ADGRF5: variants seen among roughly 807,000 people sequenced by gnomAD.
ADGRF5 encodes G-protein coupled receptor 116.
In ADGRF5, 75 loss-of-function variants were observed where a neutral mutation model predicts 132.3. The observed-to-expected ratio is 0.57, with a 90% CI of 0.47 to 0.69. The LOEUF (loss-of-function observed/expected upper bound fraction) is 0.69. ADGRF5 is among the 30% of genes least tolerant of loss of function. The pLI is 0.00. For missense variants in ADGRF5, 1,516 were observed against 1,630.6 expected (o/e 0.93, Z 1.21); for synonymous variants, 629 against 597.6 (o/e 1.05, Z -0.77).
rs762755789 is a variant in ADGRF5 at position 46,879,960 on chromosome 6, C to A, written c.894G>T (p.Leu298Phe). The part of the protein sequence containing the change: ...TVSLVCEKEV[L>F]SSNVSWRYEE... ...CATAGCGCCAAGACACATTGGAGGA[C>A]AAAACTTCCTTTTCACACACCAGAC... Residue 298 changes from leucine to phenylalanine, a missense_variant, in exon 9 of 21, where the codon TTG becomes TTT. Leu to Phe is a conservative substitution (Grantham distance 22). Around this residue, in one of 2 missense-constraint regions of ADGRF5, gnomAD observed 945 missense variants for 929.4 expected, o/e 1.02. Coordinates refer to ENST00000283296, the MANE Select transcript of ADGRF5 (RefSeq NM_001098518.2). 1 of 1,613,970 alleles carries A rather than the reference C, an allele frequency of 6.2e-7. No individual in the cohort carries two copies.
At chr6:46,857,842 A>G (rs920359880) in intron 17 of ADGRF5, among the ~76,000 whole-genome samples, 1 of 152,222 alleles carries the variant, frequency 6.6e-6, no homozygotes, top group Non-Finnish European at 1.5e-5. Context: ...CATCAAGATA[A>G]TCTTAGACAA....
chr6:46,883,777 T>C (rs1417936334), intron 5 of ADGRF5, 112 bp from the exon 6 acceptor site: 6 of 643,940 alleles, frequency 9.3e-6, no homozygotes, highest in Non-Finnish European at 1.6e-5. Flanking sequence ...AGTCTCCCTC[T>C]GTCTCCCAGG....
At chr6:46,936,369 TTC>T (rs1418533292) in intron 1 of ADGRF5, among the ~76,000 whole-genome samples, 3 of 152,200 alleles carry the variant, frequency 2.0e-5, no homozygotes, top group African/African-American at 4.8e-5. Flanking sequence ...TTACTGTATC[TTC>T]TCTATCTTTT....
At chr6:46,942,021 TC>T (rs1396770262) in intron 1 of ADGRF5, among the ~76,000 whole-genome samples, 1 of 152,212 alleles carries the variant, frequency 6.6e-6, no homozygotes, top group Non-Finnish European at 1.5e-5. Flanking sequence ...TTTTTTGTCA[TC>T]TTACTTTACC....
chr6:46,929,007 A>T (rs973397246), intron 1 of ADGRF5, among the ~76,000 whole-genome samples: 3 of 152,220 alleles, frequency 2.0e-5, no homozygotes, highest in African/African-American at 7.2e-5. Flanking sequence ...TACCCAAAGT[A>T]TTATAAATCA....
At position 46,863,024 on chromosome 6, in the gene ADGRF5, C is replaced by G; in HGVS notation, c.2063G>C (p.Arg688Pro). The G allele has an allele frequency of 1.9e-6, 3 of 1,613,904 alleles. No individual in the cohort carries two copies. Among genetic ancestry groups the G allele is most frequent in the Non-Finnish European group, 2.5e-6 (3 of 1,179,906 alleles). The change falls in exon 15 of 21, where the codon CGG becomes CCG. Residue 688 changes from arginine to proline, a missense_variant. Coordinates refer to ENST00000283296, the MANE Select transcript of ADGRF5 (RefSeq NM_001098518.2). ...EPGKVIQKLC[R>P]FSNVPSSPES... ...AGGGCTGCTGGGAACGTTTGAGAACCGGCATAGCTTCTGGATGACTTTCCC... is the reference window on the plus strand; with the variant it reads ...AGGGCTGCTGGGAACGTTTGAGAACGGGCATAGCTTCTGGATGACTTTCCC...
intron 4 of ADGRF5, among the ~76,000 whole-genome samples, chr6:46,884,697 G>A (rs1054178076): frequency 1.3e-5 from 2 of 152,176 alleles, no homozygotes; most frequent in Non-Finnish European, 2.9e-5. Context: ...AGAGGTGATG[G>A]TATGGCACTT....
At chr6:46,889,568 G>GTATATA (rs765350305) in intron 3 of ADGRF5, among the ~76,000 whole-genome samples, 11 of 77,786 alleles carry the variant, frequency 1.4e-4, no homozygotes, top group South Asian at 4.0e-4. Flanking sequence ...GTGTGTGTGT[G>GTATATA]TATATATATA....
Position 46,938,374 on chromosome 6 carries a change from G to A in ADGRF5, c.-25+16360C>T, listed in dbSNP as rs909667490. 3.9e-5 allele frequency among the ~76,000 whole-genome samples: 6 copies of A among 152,230 alleles called. No homozygotes were observed. In the South Asian group the frequency reaches 6.2e-4, roughly 16 times the overall value. On this transcript the variant is annotated intron_variant, in intron 1 of 20. Transcript: ENST00000265417. Reference sequence around the variant, plus strand: ...GATAAACACCTTTGACTGGCAAATAGCACTTGTCTATTTCTGTATTTTTTG... The same window carrying A: ...GATAAACACCTTTGACTGGCAAATAACACTTGTCTATTTCTGTATTTTTTG...
At chr6:46,945,921 C>T (rs778427484) in intron 1 of ADGRF5, among the ~76,000 whole-genome samples, 9 of 152,186 alleles carry the variant, frequency 5.9e-5, no homozygotes, top group Non-Finnish European at 1.3e-4. Context: ...ACCATCAGAT[C>T]TCATGAGACG....
At chr6:46,897,982 C>T (rs1469394942) in intron 3 of ADGRF5, among the ~76,000 whole-genome samples, 1 of 152,190 alleles carries the variant, frequency 6.6e-6, no homozygotes, top group African/African-American at 2.4e-5. Context: ...GATTCATTAA[C>T]ACTTCCCAAA....
intron 3 of ADGRF5, among the ~76,000 whole-genome samples, chr6:46,890,200 C>A (rs1773508266): frequency 6.6e-6 from 1 of 151,994 alleles, no homozygotes; most frequent in Non-Finnish European, 1.5e-5. Flanking sequence ...CCAAGTGATT[C>A]TCTGGCTTCA....
At chr6:46,936,944 G>A (rs1009686329) in intron 1 of ADGRF5, among the ~76,000 whole-genome samples, 5 of 152,294 alleles carry the variant, frequency 3.3e-5, no homozygotes, top group Middle Eastern at 3.4e-3. Context: ...CTCTCCCATA[G>A]CCACAGATCT....
rs374080886 is a variant in ADGRF5 at position 46,884,211 on chromosome 6, C to A, written c.389G>T (p.Arg130Leu). ...AATGAGATTGTGAAGACACCTTTCC[C>A]GAGGCCACCCATAACCTGTCTCGCA... ...CSCETGYGWP[R>L]ERCLHNLICQ... Residue 130 changes from arginine (R) to leucine (L), a missense_variant, in exon 5 of 21, where the codon CGG becomes CTG. By Grantham distance (102) the Arg-to-Leu change is moderately radical (BLOSUM62 -2). Coordinates refer to ENST00000283296, the MANE Select transcript of ADGRF5 (RefSeq NM_001098518.2). 1.2e-6 allele frequency: 2 copies of A among 1,614,042 alleles called. No homozygotes were observed. Among genetic ancestry groups the A allele is most frequent in the East Asian group, 4.5e-5 (2 of 44,880 alleles).
chr6:46,865,180 T>C lies in ADGRF5; in HGVS notation c.1852A>G (p.Lys618Glu), dbSNP rs774274401. The change falls in exon 14 of 21, where the codon AAA (lysine) becomes GAA (glutamate). Residue 618 changes from lysine to glutamate, a missense_variant. Coordinates refer to ENST00000283296, the MANE Select transcript of ADGRF5 (RefSeq NM_001098518.2). ...SLPAAKEVNKKQVCYKHNFNA... is the reference protein window; with the variant it reads ...SLPAAKEVNKEQVCYKHNFNA... ...AAATTGTGTTTGTAGCACACTTGTTTTTTGTTAACTTCTTTTGCTGAAGAC... is the reference window on the plus strand; with the variant it reads ...AAATTGTGTTTGTAGCACACTTGTTCTTTGTTAACTTCTTTTGCTGAAGAC... 1.4e-5 allele frequency: 22 copies of C among 1,610,412 alleles called. No individual in the cohort carries two copies. Among genetic ancestry groups the C allele is most frequent in the Non-Finnish European group, 1.5e-5 (18 of 1,178,266 alleles).
chr6:46,864,698 G>A (rs1310735737), intron 14 of ADGRF5, among the ~76,000 whole-genome samples: 3 of 151,988 alleles, frequency 2.0e-5, no homozygotes, highest in Non-Finnish European at 4.4e-5. Context: ...CTAATTTTTT[G>A]TAGTTTTAGT....
chr6:46,908,929 A>G (rs952737827), intron 1 of ADGRF5: 2 of 152,216 alleles, frequency 1.3e-5, no homozygotes, highest in African/African-American at 4.8e-5. Context: ...GACAACCTGT[A>G]TGGAATGGAC....
intron 1 of ADGRF5, among the ~76,000 whole-genome samples, chr6:46,929,026 T>C (rs537735978): frequency 3.3e-5 from 5 of 152,260 alleles, no homozygotes; most frequent in African/African-American, 1.2e-4. Context: ...CATGCTGCTA[T>C]AAAGACACAT....
intron 8 of ADGRF5, among the ~76,000 whole-genome samples, chr6:46,880,898 C>G (rs1260096837): frequency 6.6e-6 from 1 of 151,868 alleles, no homozygotes; most frequent in African/African-American, 2.4e-5. Flanking sequence ...TGAGACCAGC[C>G]TGGGCAACAT....
Sources: gnomAD v4.1 joint callset for allele counts (sites outside exome capture counted in the v4.1 genomes callset) on GRCh38, gnomAD v4.1.1 for gene constraint, gnomAD v4.1.1 regional missense constraint, MANE v1.5 for transcripts, NCBI Gene and HGNC (gene_info 2026-07-23, HGNC 2026-07-21) for gene names.